Variants in PAX7 observed in about 807,000 individuals in gnomAD.
PAX7 encodes paired box protein Pax-7.
Under a neutral mutation model 50.7 loss-of-function variants are expected in PAX7, and 18 were observed. The ratio of observed to expected loss-of-function variants is 0.36; its 90% CI spans 0.25 to 0.53. The LOEUF (loss-of-function observed/expected upper bound fraction) is 0.53, where lower values mean the gene tolerates loss of function less well. Ranked by LOEUF, PAX7 falls within the 20% of genes least tolerant of loss-of-function variation. PAX7 has a pLI of 0.93. For synonymous variants in PAX7, 310 were observed against 290.4 expected, an observed-to-expected ratio of 1.07 and a Z score of -0.69; for missense variants, 644 against 702.9, an observed-to-expected ratio of 0.92 and a Z score of 0.95.
At chr1:18,631,825 G>A in intron 1 of PAX7, 137 bp downstream of exon 1, 1 of 730,574 alleles carries the variant, frequency 1.4e-6, no homozygotes, top group Non-Finnish European at 2.3e-6. Flanking sequence ...GTCCCAGTCC[G>A]GGCGCGGAAC....
chr1:18,731,878 G>A (rs1338214928), intron 7 of PAX7, among the ~76,000 whole-genome samples: 1 of 152,176 alleles, frequency 6.6e-6, no homozygotes, highest in Non-Finnish European at 1.5e-5. Context: ...AGGGTCCAAG[G>A]CCTCTTGAGC....
At chr1:18,658,126 C>T (rs1234095528) in intron 4 of PAX7, among the ~76,000 whole-genome samples, 1 of 152,186 alleles carries the variant, frequency 6.6e-6, no homozygotes, top group Non-Finnish European at 1.5e-5. Context: ...CATTAATGTA[C>T]ATCTGCAGCG....
chr1:18,721,317 G>A (rs2089490947), intron 7 of PAX7, among the ~76,000 whole-genome samples: 1 of 152,126 alleles, frequency 6.6e-6, no homozygotes, highest in Admixed American at 6.5e-5. Flanking sequence ...GCTACCCTGT[G>A]ATTAATGTCC....
chr1:18,728,572 C>A (rs77953314), intron 7 of PAX7, among the ~76,000 whole-genome samples: 6 of 151,954 alleles, frequency 3.9e-5, no homozygotes, highest in African/African-American at 1.5e-4. Flanking sequence ...TTAAAAACTC[C>A]TGACCTGACC....
intron 7 of PAX7, among the ~76,000 whole-genome samples, chr1:18,709,509 C>T (rs2089324668): frequency 6.6e-6 from 1 of 152,226 alleles, no homozygotes; most frequent in East Asian, 1.9e-4. Context: ...TCTCTCCGGT[C>T]CAGCCTGTGC....
intron 1 of PAX7, 80 bp downstream of exon 1, chr1:18,631,768 G>A (rs1189807533): frequency 1.2e-5 from 14 of 1,183,966 alleles, no homozygotes; most frequent in East Asian, 7.4e-5. Flanking sequence ...GTCTCCAGGG[G>A]ACGGTGGCGG....
intron 4 of PAX7, among the ~76,000 whole-genome samples, chr1:18,645,414 A>G (rs2088323487): frequency 6.6e-6 from 1 of 152,242 alleles, no homozygotes. Flanking sequence ...GGGCGCGATA[A>G]GTAGCTCGGA....
rs1266030421 is a variant in PAX7 at position 18,726,145 on chromosome 1, A to T, written c.1156-9487A>T. Among the ~76,000 whole-genome samples the T allele has an allele frequency of 3.6e-5, 5 of 137,604 alleles. No individual in the cohort carries two copies. Among genetic ancestry groups the T allele is most frequent in the South Asian group, 2.5e-4 (1 of 4,048 alleles). 90.3% of individuals were successfully genotyped at this position (137,604 alleles called of 152,430 possible). A position where few individuals can be genotyped will look rare whatever the true frequency, so the allele number is the denominator to read the frequency against. The stretch of plus-strand genomic sequence containing the variant: ...ATAAAACAGACATTGGAAGAGTGTG[A>T]GTGTGTGTGTGTGTGTGTGTGTGTG... On this transcript the variant is annotated intron_variant, in intron 7 of 8. Coordinates refer to ENST00000420770, the MANE Select transcript of PAX7 (RefSeq NM_001135254.2). The surrounding 1 kb of genome is among the most constrained non-coding windows in gnomAD (Gnocchi z 4.8).
chr1:18,644,055 C>A (rs1367922287), intron 4 of PAX7, among the ~76,000 whole-genome samples: 2 of 152,250 alleles, frequency 1.3e-5, no homozygotes, highest in East Asian at 1.9e-4. Context: ...CTTCTAAGTT[C>A]TTGGGAAGGG....
chr1:18,714,360 G>C (rs1202159300), intron 7 of PAX7, among the ~76,000 whole-genome samples: 1 of 152,100 alleles, frequency 6.6e-6, no homozygotes, highest in African/African-American at 2.4e-5. Context: ...CACCTTGCAG[G>C]CTTATGAGAA....
chr1:18,679,137 G>T (rs1039264908), intron 4 of PAX7, among the ~76,000 whole-genome samples: 1 of 152,226 alleles, frequency 6.6e-6, no homozygotes, highest in African/African-American at 2.4e-5. Flanking sequence ...GCCCCACTGG[G>T]GGATGCTGCA....
intron 4 of PAX7, among the ~76,000 whole-genome samples, chr1:18,671,162 A>G (rs908703139): frequency 6.6e-6 from 1 of 152,168 alleles, no homozygotes; most frequent in Non-Finnish European, 1.5e-5. Context: ...CTTTTGAGGT[A>G]GAGAGGGGCC....
At chr1:18,707,418 T>TC (rs2089298164) in intron 7 of PAX7, among the ~76,000 whole-genome samples, 1 of 135,006 alleles carries the variant, frequency 7.4e-6, no homozygotes, top group Non-Finnish European at 1.5e-5. Flanking sequence ...TTTCTTTCTT[T>TC]TTTTTTTTTT....
chr1:18,740,361 G>T (rs1557562684), intron 8 of PAX7, among the ~76,000 whole-genome samples: 1 of 152,184 alleles, frequency 6.6e-6, no homozygotes, highest in African/African-American at 2.4e-5. Flanking sequence ...GCTGGTCGCT[G>T]GGAGAGGCTG....
intron 5 of PAX7, among the ~76,000 whole-genome samples, chr1:18,696,236 T>C (rs1409739912): frequency 6.6e-6 from 1 of 152,130 alleles, no homozygotes; most frequent in Non-Finnish European, 1.5e-5. Flanking sequence ...TGGCTAATTT[T>C]TTGTATTTTT....
intron 4 of PAX7, among the ~76,000 whole-genome samples, chr1:18,656,175 T>C (rs910722529): frequency 6.6e-6 from 1 of 152,206 alleles, no homozygotes; most frequent in Non-Finnish European, 1.5e-5. Flanking sequence ...CTATTATTCT[T>C]GTTGCTGTGA....
chr1:18,703,458 C>CTCT (rs2089248700), intron 7 of PAX7, among the ~76,000 whole-genome samples, 162 bp downstream of exon 7: 1 of 152,234 alleles, frequency 6.6e-6, no homozygotes. Context: ...CTGTCCTGTG[C>CTCT]TCTTGGCTTT....
chr1:18,641,043 TGAG>T (rs1416578318), intron 4 of PAX7, among the ~76,000 whole-genome samples: 2 of 152,014 alleles, frequency 1.3e-5, no homozygotes, highest in African/African-American at 2.4e-5. Context: ...GAAACAACAA[TGAG>T]GAGATAACTA....
intron 7 of PAX7, among the ~76,000 whole-genome samples, chr1:18,717,917 C>G (rs1451520499): frequency 6.6e-6 from 1 of 152,206 alleles, no homozygotes; most frequent in East Asian, 1.9e-4. Flanking sequence ...CTGCAGCCCC[C>G]TCTTAGGGGG....
Sources: allele counts gnomAD v4.1 joint callset (sites outside exome capture counted in the v4.1 genomes callset), GRCh38; gene constraint gnomAD v4.1.1; non-coding constraint Gnocchi (gnomAD v3.1); transcripts MANE v1.5; gene names NCBI Gene and HGNC (gene_info 2026-07-23, HGNC 2026-07-21).